Variants in DGKB observed in about 807,000 individuals in gnomAD.
DGKB encodes the protein 90 kDa diacylglycerol kinase.
DGKB carries 67 observed loss-of-function variants against 114.3 expected under a neutral mutation model. That is an observed-to-expected ratio of 0.59 (90% confidence interval 0.48 to 0.72). DGKB has a LOEUF of 0.72. Ranked by LOEUF, DGKB falls within the 30% of genes least tolerant of loss-of-function variation. The probability of loss-of-function intolerance (pLI) is 0.00; values close to 1 mark genes in which losing one functional copy is unlikely to be tolerated. For synonymous variants in DGKB, 398 were observed against 323.1 expected (o/e 1.23, Z -2.49); for missense variants, 907 against 975.2 (o/e 0.93, Z 0.93).
intron 23 of DGKB, among the ~76,000 whole-genome samples, chr7:14,284,689 T>G (rs1242077689): frequency 4.0e-5 from 6 of 150,920 alleles, no homozygotes; most frequent in African/African-American, 9.8e-5. Flanking sequence ...CCATAAAAAA[T>G]GATGAGTTCA....
In DGKB at chr7:14,729,195, T is replaced by A. The variant is rs566557139; in HGVS notation, c.322+6846A>T. On this transcript the variant is annotated intron_variant, in intron 5 of 25. Transcript: ENST00000402815. ...TGGAGTGCAGTGGCGCCATCTCGGC[T>A]CACTGCAAGCTCCGCCTCCTGGGTT... 6.2e-5 allele frequency among the ~76,000 whole-genome samples: 9 copies of A among 144,670 alleles called. No homozygotes were observed. In the South Asian group the frequency reaches 2.0e-3, roughly 32 times the overall value. 94.9% of individuals were successfully genotyped at this position (144,670 alleles called of 152,430 possible).
chr7:14,469,563 A>C (rs918326128), intron 21 of DGKB, among the ~76,000 whole-genome samples: 10 of 152,026 alleles, frequency 6.6e-5, no homozygotes, highest in Non-Finnish European at 1.0e-4. Context: ...GATTTTAAAC[A>C]GCCTGGATAC....
intron 1 of DGKB, among the ~76,000 whole-genome samples, chr7:14,955,120 A>G (rs1786426234): frequency 6.6e-6 from 1 of 152,074 alleles, no homozygotes; most frequent in African/African-American, 2.4e-5. Context: ...GACCAACACT[A>G]TAAAAAAATT....
intron 21 of DGKB, among the ~76,000 whole-genome samples, chr7:14,372,137 G>T (rs1189409696): frequency 6.6e-6 from 1 of 152,114 alleles, no homozygotes; most frequent in Non-Finnish European, 1.5e-5. Flanking sequence ...CCTTGGTCTA[G>T]GTTGCTCAGA....
chr7:14,808,659 C>T (rs925260452), intron 2 of DGKB, among the ~76,000 whole-genome samples: 62 of 152,146 alleles, frequency 4.1e-4, no homozygotes, highest in Admixed American at 2.6e-3. Flanking sequence ...AATTAAAACA[C>T]AGGCTGTTAC....
chr7:14,752,486 C>T (rs1229360593), intron 4 of DGKB, among the ~76,000 whole-genome samples: 1 of 152,116 alleles, frequency 6.6e-6, no homozygotes, highest in African/African-American at 2.4e-5. Context: ...TGACAGGAAA[C>T]ATGTACGGAG....
chr7:14,364,854 A>C (rs1469264171), intron 21 of DGKB, among the ~76,000 whole-genome samples: 1 of 151,950 alleles, frequency 6.6e-6, no homozygotes, highest in Non-Finnish European at 1.5e-5. Context: ...CAAGAACCAA[A>C]AGTCGTGGAG....
chr7:14,172,781 T>A (rs1456099743), intron 25 of DGKB, among the ~76,000 whole-genome samples: 1 of 152,186 alleles, frequency 6.6e-6, no homozygotes, highest in African/African-American at 2.4e-5. Context: ...AAAGGGGTGC[T>A]GGTTGTACAG....
intron 21 of DGKB, among the ~76,000 whole-genome samples, chr7:14,392,982 G>GTTTTTTTTTTTTTTTTTT (rs1298052301): frequency 7.3e-5 from 2 of 27,466 alleles, no homozygotes; most frequent in African/African-American, 1.8e-4. Flanking sequence ...AAACAGACCT[G>GTTTTTTTTTTTTTTTTTT]TTTTTTGTTT....
intron 23 of DGKB, 98 bp from the exon 24 acceptor site, chr7:14,178,249 A>C (rs986769332): frequency 2.3e-6 from 3 of 1,281,058 alleles, no homozygotes; most frequent in Non-Finnish European, 3.2e-6. Context: ...AATAACAGCC[A>C]CTTCACAAAG....
At chr7:14,221,887 G>C (rs1348185561) in intron 23 of DGKB, among the ~76,000 whole-genome samples, 4 of 151,282 alleles carry the variant, frequency 2.6e-5, no homozygotes, top group Non-Finnish European at 5.9e-5. Context: ...AGTTTCAGTA[G>C]TTTGTGTCTT....
chr7:14,497,127 G>A lies in DGKB; in HGVS notation c.1771-18902C>T, dbSNP rs377177361. 4.6e-5 allele frequency among the ~76,000 whole-genome samples: 7 copies of A among 151,790 alleles called. No homozygotes were observed. In the East Asian group the frequency reaches 1.4e-3, roughly 29 times the overall value. ...GCATGTTCTTATTTATAAGTGGGAGGTAAGCTATGGGTACACAAAGGCATA... is the reference window on the plus strand; with the variant it reads ...GCATGTTCTTATTTATAAGTGGGAGATAAGCTATGGGTACACAAAGGCATA... On this transcript the variant is annotated intron_variant, in intron 20 of 25. Transcript: ENST00000402815.
chr7:14,530,934 ATAACT>A (rs1360203909), intron 20 of DGKB, among the ~76,000 whole-genome samples: 1 of 151,586 alleles, frequency 6.6e-6, no homozygotes, highest in East Asian at 1.9e-4. Context: ...ATGTAATCAA[ATAACT>A]TAAATTTAAA....
intron 13 of DGKB, among the ~76,000 whole-genome samples, chr7:14,642,978 G>A (rs545334859): frequency 7.2e-5 from 11 of 152,060 alleles, no homozygotes; most frequent in South Asian, 2.1e-4. Context: ...AAGATTTCCC[G>A]ACACCATCAA....
chr7:14,628,604 A>G (rs896256769), intron 14 of DGKB, among the ~76,000 whole-genome samples: 2 of 152,170 alleles, frequency 1.3e-5, no homozygotes, highest in African/African-American at 4.8e-5. Context: ...TTTAAGTTAA[A>G]CATTTAATGT....
chr7:14,609,378 T>C (rs1805107710), intron 16 of DGKB, among the ~76,000 whole-genome samples: 1 of 152,054 alleles, frequency 6.6e-6, no homozygotes, highest in South Asian at 2.1e-4. Context: ...TTTCACCACA[T>C]ACAAAAATTA....
chr7:14,256,604 C>T lies in DGKB; in HGVS notation c.2123-78453G>A, dbSNP rs572820682. Among the ~76,000 whole-genome samples the T allele has an allele frequency of 7.9e-5, 12 of 152,066 alleles. No individual in the cohort carries two copies. In the East Asian group the frequency reaches 2.3e-3, roughly 29 times the overall value. On this transcript the variant is annotated intron_variant, in intron 23 of 25. Coordinates refer to ENST00000402815, the MANE Select transcript of DGKB (RefSeq NM_001350709.2). ...GTTTTACATGTTTTAAAAGATTACT[C>T]AGGTTGTTATGATAGTTAATGGAAT...
Position 14,192,285 on chromosome 7 carries a change from C to T in DGKB, c.2123-14134G>A, listed in dbSNP as rs192317101. The T allele has an allele frequency of 8.4e-3, 1,699 of 203,256 alleles. 15 individuals carry two copies. The highest frequency in any genetic ancestry group is 0.016 in the Middle Eastern group (8 of 492). 12.6% of individuals were successfully genotyped at this position (203,256 alleles called of 1,614,324 possible). A position where few individuals can be genotyped will look rare whatever the true frequency, so the allele number is the denominator to read the frequency against. ...CTAAAATTGCAGGATACAAAATCAACATACACAAATCAGTAGCATGTCCAT... is the reference window on the plus strand; with the variant it reads ...CTAAAATTGCAGGATACAAAATCAATATACACAAATCAGTAGCATGTCCAT... On this transcript the variant is annotated intron_variant, in intron 23 of 25. Coordinates refer to ENST00000402815, the MANE Select transcript of DGKB (RefSeq NM_001350709.2).
intron 16 of DGKB, among the ~76,000 whole-genome samples, chr7:14,611,953 T>C (rs538310855): frequency 6.6e-6 from 1 of 151,816 alleles, no homozygotes; most frequent in East Asian, 1.9e-4. Context: ...CAATAACATA[T>C]ACAGCTAACT....
Sources: allele counts gnomAD v4.1 joint callset (sites outside exome capture counted in the v4.1 genomes callset), GRCh38; gene constraint gnomAD v4.1.1; transcripts MANE v1.5; gene names NCBI Gene and HGNC (gene_info 2026-07-23, HGNC 2026-07-21).